Variants in ATG2A observed in about 807,000 individuals in gnomAD.
The protein encoded by ATG2A is autophagy-related protein 2 homolog A.
Under a neutral mutation model 214.2 loss-of-function variants are expected in ATG2A, and 103 were observed. That is an observed-to-expected ratio of 0.48 (90% CI 0.41 to 0.57). ATG2A has a LOEUF of 0.57. Among genes scored for constraint, ATG2A ranks in the 20% least tolerant of loss-of-function variants. ATG2A has a pLI of 0.00. For missense variants in ATG2A, 2,312 were observed against 2,613.2 expected (o/e 0.88, Z 2.51); for synonymous variants, 1,160 against 1,142.1 (o/e 1.02, Z -0.32).
rs897403015 is a variant in ATG2A, at chr11:64,914,601, T to C, written c.172-101A>G. On this transcript the variant is annotated intron_variant, in intron 1 of 40. Transcript: ENST00000377264. ...TAGTGCCTTGGAGAGCACCCTTGGC[T>C]TGCCCTGTCCCTCCACGTGTTATCT... is the stretch of plus-strand genomic sequence containing the variant. 18 of 1,432,438 alleles carry C rather than the reference T, an allele frequency of 1.3e-5. No individual in the cohort carries two copies. The Admixed American group carries it at 3.5e-4, about 28-fold the overall frequency. The allele number at this position is 1,432,438 out of a possible 1,614,324, so 88.7% of individuals were successfully genotyped here. A position where few individuals can be genotyped will look rare whatever the true frequency, so the allele number is the denominator to read the frequency against.
Position 64,897,822 on chromosome 11 carries a change from G to T in ATG2A, c.4994+17C>A, listed in dbSNP as rs201816058. On this transcript the variant is annotated intron_variant, in intron 35 of 40. Coordinates refer to ENST00000377264, the MANE Select transcript of ATG2A (RefSeq NM_015104.3). ...CAATCTGGCCCAGGGCCCCCCACCC[G>T]CAGTCCAGCAGCCTACCTGAAGTAG... 1 of 1,612,504 alleles carries T rather than the reference G, an allele frequency of 6.2e-7. No homozygotes were observed. The highest frequency in any genetic ancestry group is 2.2e-5 in the East Asian group (1 of 44,872).
chr11:64,913,960 CA>C lies in ATG2A; in HGVS notation c.488-38del. 1.2e-6 allele frequency: 2 copies of C among 1,606,722 alleles called. No homozygotes were observed. The highest frequency in any genetic ancestry group is 1.3e-5 in the African/African-American group (1 of 74,714). ...GGGAGGGGTCTCAGGTCAGGTAGAG[CA>C]GCAAAGGGGAGGCAGAATTTCCCAT... is the stretch of plus-strand genomic sequence containing the variant. On this transcript the variant is annotated intron_variant, in intron 3 of 40. Coordinates refer to ENST00000377264, the MANE Select transcript of ATG2A (RefSeq NM_015104.3). This position sits in a 1 kb window ranked among gnomAD's most constrained non-coding sequence, Gnocchi z 4.3.
chr11:64,913,457 C>G lies in ATG2A; in HGVS notation c.591-56G>C. The G allele has an allele frequency of 6.7e-7, 1 of 1,501,158 alleles. No individual in the cohort carries two copies. 93.0% of individuals were successfully genotyped at this position (1,501,158 alleles called of 1,614,324 possible). ...GCCACCCCAGGCCTGGAGCCCCTCTCTCCACACAGTGCTCTGCTCTAGGGG... is the reference window on the plus strand; with the variant it reads ...GCCACCCCAGGCCTGGAGCCCCTCTGTCCACACAGTGCTCTGCTCTAGGGG... On this transcript the variant is annotated intron_variant, in intron 4 of 40. Coordinates refer to ENST00000377264, the MANE Select transcript of ATG2A (RefSeq NM_015104.3). This position sits in a 1 kb window ranked among gnomAD's most constrained non-coding sequence, Gnocchi z 4.3.
Position 64,916,977 on chromosome 11 carries a change from G to A in ATG2A, c.159C>T (p.His53=). Residue 53 remains histidine (H), a synonymous_variant, in exon 1 of 41, where the codon CAC becomes CAT. Transcript: ENST00000377264. ...CCTGGCTCCTCACCCAGATTTCCAGGTGGATGTCTCGCAGGGCAACGCTGC... is the reference window on the plus strand; with the variant it reads ...CCTGGCTCCTCACCCAGATTTCCAGATGGATGTCTCGCAGGGCAACGCTGC... ...YKGSVALRDI[H]LEIWSVNEVL... The A allele has an allele frequency of 1.2e-6, 2 of 1,613,504 alleles. No individual in the cohort carries two copies. Among genetic ancestry groups the A allele is most frequent in the Non-Finnish European group, 1.7e-6 (2 of 1,179,978 alleles).
Position 64,896,619 on chromosome 11 carries a change from A to AG in ATG2A, c.5273-4dup, listed in dbSNP as rs1198866919. ...CAGCAGGTCCCGGAACCCTTGGACT[A>AG]GGGGGAAGGAGCGCTCAGAGACACC... is the stretch of plus-strand genomic sequence containing the variant. On this transcript the variant is annotated splice_region_variant and splice_polypyrimidine_tract_variant and intron_variant, in intron 38 of 40. Transcript: ENST00000377264. The AG allele has an allele frequency of 1.9e-6, 3 of 1,612,476 alleles. No individual in the cohort carries two copies. The highest frequency in any genetic ancestry group is 8.5e-7 in the Non-Finnish European group (1 of 1,178,800).
At chr11:64,910,016 C>G in intron 13 of ATG2A, 24 bp downstream of exon 13, 1 of 1,559,588 alleles carries the variant, frequency 6.4e-7, no homozygotes. Flanking sequence ...CACCCCCGGC[C>G]TGGCCCTGGC....
intron 1 of ATG2A, among the ~76,000 whole-genome samples, chr11:64,916,019 CCT>C (rs1255519781): frequency 7.2e-5 from 11 of 152,318 alleles, no homozygotes; most frequent in Non-Finnish European, 8.8e-5. Flanking sequence ...TTAGCAGCCC[CCT>C]GAGTCCAGCC....
chr11:64,907,925 A>G, intron 16 of ATG2A, 35 bp from the exon 17 acceptor site: 3 of 1,596,966 alleles, frequency 1.9e-6, no homozygotes, highest in Non-Finnish European at 2.6e-6. Flanking sequence ...CAGGAGAGTC[A>G]TCTTAGAGAC....
Position 64,911,272 on chromosome 11 carries a change from T to C in ATG2A, c.1232A>G (p.Lys411Arg). The C allele has an allele frequency of 6.2e-7, 1 of 1,613,470 alleles. No homozygotes were observed. Among genetic ancestry groups the C allele is most frequent in the African/African-American group, 1.3e-5 (1 of 75,036 alleles). Residue 411 changes from lysine (K) to arginine (R), a missense_variant, in exon 10 of 41, where the codon AAG (lysine) becomes AGG (arginine). By Grantham distance (26) the Lys-to-Arg change is conservative. Transcript: ENST00000377264. ...RLSAQAHPAG[K>R]MAPNPLLDTM... is the part of the protein sequence containing the mutation. Reference sequence around the variant, plus strand: ...GTCCAGGAGGGGGTTGGGGGCCATCTTGCCTGAGGGGACAGAGGCTTCAGC... The same window carrying C: ...GTCCAGGAGGGGGTTGGGGGCCATCCTGCCTGAGGGGACAGAGGCTTCAGC...
At position 64,895,407 on chromosome 11, in the gene ATG2A, C is replaced by G. The variant is rs768751201; in HGVS notation, c.5463G>C (p.Pro1821=). The G allele has an allele frequency of 1.9e-6, 3 of 1,606,110 alleles. No homozygotes were observed. Among genetic ancestry groups the G allele is most frequent in the Non-Finnish European group, 2.6e-6 (3 of 1,175,874 alleles). Residue 1821 remains proline (P), a synonymous_variant, in exon 40 of 41, where the codon CCG becomes CCC. Coordinates refer to ENST00000377264, the MANE Select transcript of ATG2A (RefSeq NM_015104.3). This position sits in a 1 kb window ranked among gnomAD's most constrained non-coding sequence, Gnocchi z 5.0. ...TAETVYDILS[P]AAPVSRSLQD... is the part of the protein sequence containing the mutation. ...GCAGGGAGCGGGAGACGGGGGCTGC[C>G]GGGGACAGGATGTCATACACGGTCT...
chr11:64,916,159 C>A (rs115418438), intron 1 of ATG2A, among the ~76,000 whole-genome samples: 6,563 of 152,310 alleles, frequency 0.043, 173 homozygotes, highest in Middle Eastern at 0.065. Context: ...TGAGTCAGGG[C>A]TCCTCACCGT....
chr11:64,903,684 G>A lies in ATG2A; in HGVS notation c.3465-24C>T, dbSNP rs1246214731. ...ACCTGGGGGGGAACAGGGCTGAGAA[G>A]GGCCCGGGCACCGCTGCAGGGGGCA... On this transcript the variant is annotated intron_variant, in intron 24 of 40. Transcript: ENST00000377264. The surrounding 1 kb of genome is among the most constrained non-coding windows in gnomAD (Gnocchi z 4.2). 1 of 1,544,676 alleles carries A rather than the reference G, an allele frequency of 6.5e-7. No individual in the cohort carries two copies. Among genetic ancestry groups the A allele is most frequent in the Non-Finnish European group, 8.7e-7 (1 of 1,143,154 alleles).
At position 64,896,538 on chromosome 11, in the gene ATG2A, C is replaced by T. The variant is rs752799001; in HGVS notation, c.5351G>A (p.Arg1784Gln). Reference sequence around the variant, plus strand: ...GGATGAGCCAAAGGAGGCAGCCCCTCGCTGCAGCCCCCGCATGAGGCGGCC... The same window carrying T: ...GGATGAGCCAAAGGAGGCAGCCCCTTGCTGCAGCCCCCGCATGAGGCGGCC... ...KDGRLMRGLQ[R>Q]GAASFGSSTA... Residue 1784 changes from arginine to glutamine, a missense_variant, in exon 39 of 41, where the codon CGA (arginine) becomes CAA (glutamine). Transcript: ENST00000377264. The T allele has an allele frequency of 1.4e-5, 22 of 1,613,960 alleles. No individual in the cohort carries two copies. The highest frequency in any genetic ancestry group is 4.5e-5 in the East Asian group (2 of 44,886).
At chr11:64,896,901 G>C (rs1236886171) in intron 37 of ATG2A, 32 bp from the exon 38 acceptor site, 10 of 1,610,380 alleles carry the variant, frequency 6.2e-6, no homozygotes, top group East Asian at 2.2e-5. Flanking sequence ...GAGGCAGAAG[G>C]TGAGGCAGAG....
rs751577744 is a variant in ATG2A at position 64,903,039 on chromosome 11, G to C, written c.3612+249C>G. Among the ~76,000 whole-genome samples the C allele has an allele frequency of 3.9e-5, 6 of 152,106 alleles. No individual in the cohort carries two copies. Among genetic ancestry groups the C allele is most frequent in the Non-Finnish European group, 7.4e-5 (5 of 67,996 alleles). On this transcript the variant is annotated intron_variant, in intron 26 of 40. Coordinates refer to ENST00000377264, the MANE Select transcript of ATG2A (RefSeq NM_015104.3). The surrounding 1 kb of genome is among the most constrained non-coding windows in gnomAD (Gnocchi z 4.2). Reference sequence around the variant, plus strand: ...GGTGGCTGATTCCCAGGGCCTCGCTGGTGCCCTGGCTGCCGCGTCCTCTGG... The same window carrying C: ...GGTGGCTGATTCCCAGGGCCTCGCTCGTGCCCTGGCTGCCGCGTCCTCTGG...
Position 64,900,987 on chromosome 11 carries a change from G to A in ATG2A, c.4225C>T (p.Pro1409Ser). The change falls in exon 30 of 41, where the codon CCT becomes TCT. Residue 1409 changes from proline to serine, a missense_variant. Transcript: ENST00000377264. ...GTGCTGGGCACTGGGAAATGGGCAGGTGCCCGCAGCAAGTCCGTGCTGCCG... is the reference window on the plus strand; with the variant it reads ...GTGCTGGGCACTGGGAAATGGGCAGATGCCCGCAGCAAGTCCGTGCTGCCG... ...PIGSTDLLRAPAHFPVPSTRV... is the reference protein window; with the variant it reads ...PIGSTDLLRASAHFPVPSTRV... The A allele has an allele frequency of 6.3e-7, 1 of 1,589,192 alleles. No homozygotes were observed.
Position 64,894,970 on chromosome 11 carries a change from G to C in ATG2A, c.*3C>G. The C allele has an allele frequency of 1.2e-6, 2 of 1,611,698 alleles. No individual in the cohort carries two copies. ...CACCCTCTGGGTGCCGGGCACCCCA[G>C]GCTCAGTCTTGGGCACTGTCCGAGC... On this transcript the variant is annotated 3_prime_UTR_variant, in exon 41 of 41. Transcript: ENST00000377264.
intron 24 of ATG2A, 40 bp downstream of exon 24, chr11:64,905,523 G>A (rs776477302): frequency 3.1e-5 from 49 of 1,575,980 alleles, no homozygotes; most frequent in Admixed American, 2.2e-4. Flanking sequence ...GCTTCGGCCC[G>A]GCGAGGGTGG....
chr11:64,909,080 G>A lies in ATG2A; in HGVS notation c.2275C>T (p.Leu759=), dbSNP rs1322478858. 15 of 1,613,212 alleles carry A rather than the reference G, an allele frequency of 9.3e-6. No homozygotes were observed. Among genetic ancestry groups the A allele is most frequent in the Admixed American group, 6.7e-5 (4 of 59,978 alleles). Residue 759 remains leucine (L), a synonymous_variant, in exon 16 of 41, where the codon CTG becomes TTG. Coordinates refer to ENST00000377264, the MANE Select transcript of ATG2A (RefSeq NM_015104.3). The part of the protein sequence containing the change: ...WEVAPEKGEE[L]ELSVESPCEL... ...CAGGGACTCTCCACTGACAGCTCCAGTTCCTCTCCCTTCTCCGGGGCCACC... is the reference window on the plus strand; with the variant it reads ...CAGGGACTCTCCACTGACAGCTCCAATTCCTCTCCCTTCTCCGGGGCCACC...
Sources: gnomAD v4.1 joint callset for allele counts (sites outside exome capture counted in the v4.1 genomes callset) on GRCh38, gnomAD v4.1.1 for gene constraint, Gnocchi (gnomAD v3.1) non-coding constraint, MANE v1.5 for transcripts, NCBI Gene and HGNC (gene_info 2026-07-23, HGNC 2026-07-21) for gene names.